Variants in EP300 observed in about 807,000 individuals in gnomAD.
EP300 encodes histone acetyltransferase p300.
A neutral mutation model predicts 264.0 loss-of-function variants in EP300; 31 were observed. The ratio of observed to expected loss-of-function variants is 0.12; its 90% CI spans 0.09 to 0.16. EP300 has a LOEUF of 0.16. Ranked by LOEUF, EP300 falls within the 10% of genes least tolerant of loss-of-function variation. EP300 has a pLI of 1.00. For synonymous variants in EP300, 1,340 were observed against 1,045.4 expected (o/e 1.28, Z -5.44); for missense variants, 2,766 against 3,052.9 (o/e 0.91, Z 2.21).
At chr22:41,115,216 C>T (rs2058814271) in intron 1 of EP300, among the ~76,000 whole-genome samples, 1 of 152,052 alleles carries the variant, frequency 6.6e-6, no homozygotes, top group African/African-American at 2.4e-5. Context: ...AATTTTCTTC[C>T]CCCAGGGGAT....
chr22:41,176,619 A>T (rs2059202094), intron 30 of EP300, 91 bp downstream of exon 30: 6 of 1,607,254 alleles, frequency 3.7e-6, no homozygotes, highest in Non-Finnish European at 5.1e-6. Context: ...GGCCTGTGGG[A>T]TGCTAGGGGC....
At chr22:41,137,566 C>T (rs2058958951) in intron 7 of EP300, 87 bp from the exon 8 acceptor site, 1 of 1,542,192 alleles carries the variant, frequency 6.5e-7, no homozygotes, top group Admixed American at 1.7e-5. Context: ...ATATTGATTC[C>T]ATTACAATAA....
chr22:41,092,943 C>A lies in EP300; in HGVS notation c.-62C>A. 1 of 1,595,094 alleles carries A rather than the reference C, an allele frequency of 6.3e-7. No homozygotes were observed. The highest frequency in any genetic ancestry group is 8.6e-7 in the Non-Finnish European group (1 of 1,163,420). ...CTGGGTGCGGCGCGGGGACCCCGGG[C>A]CGAAGAAGAGATTTCCTGAGGATTC... On this transcript the variant is annotated 5_prime_UTR_variant, in exon 1 of 31. Transcript: ENST00000263253.
intron 29 of EP300, chr22:41,174,859 A>G (rs1471570901): frequency 6.6e-6 from 1 of 152,176 alleles, no homozygotes; most frequent in Non-Finnish European, 1.5e-5. Flanking sequence ...AATCTTTTTT[A>G]GAGAGGAATT....
intron 27 of EP300, among the ~76,000 whole-genome samples, chr22:41,171,117 T>C (rs1287730494): frequency 6.6e-6 from 1 of 151,956 alleles, no homozygotes; most frequent in Admixed American, 6.6e-5. Flanking sequence ...GAAATCCCTG[T>C]TTTAAACATG....
chr22:41,172,391 T>C (rs2059175773), intron 27 of EP300, 108 bp from the exon 28 acceptor site: 2 of 1,048,248 alleles, frequency 1.9e-6, no homozygotes, highest in Admixed American at 2.1e-5. Context: ...TCTGCCAGCT[T>C]TCAAGACATT....
rs896851307 is a variant in EP300 at position 41,092,902 on chromosome 22, GC to G, written c.-97del. The G allele has an allele frequency of 1.5e-6, 2 of 1,304,536 alleles. No homozygotes were observed. The highest frequency in any genetic ancestry group is 2.3e-5 in the East Asian group (1 of 43,480). 80.8% of individuals were successfully genotyped at this position (1,304,536 alleles called of 1,614,324 possible). On this transcript the variant is annotated 5_prime_UTR_variant, in exon 1 of 31. Transcript: ENST00000263253. ...CCCCACCCCCTCGGGTGCCGTCGGA[GC>G]CCCCCAGCCCACCCCTGGGTGCGGC... is the stretch of plus-strand genomic sequence containing the variant.
intron 5 of EP300, among the ~76,000 whole-genome samples, chr22:41,130,691 A>G (rs1047102780): frequency 1.3e-5 from 2 of 152,158 alleles, no homozygotes; most frequent in Non-Finnish European, 2.9e-5. Flanking sequence ...TTGCTTTGGC[A>G]TTGGGCAAGT....
intron 2 of EP300, among the ~76,000 whole-genome samples, chr22:41,120,893 T>A (rs894732813): frequency 2.6e-5 from 4 of 152,192 alleles, no homozygotes; most frequent in Non-Finnish European, 5.9e-5. Flanking sequence ...TATTTTTATT[T>A]TTGTTGAGAC....
chr22:41,144,176 A>G (rs1205680497), intron 10 of EP300, among the ~76,000 whole-genome samples: 2 of 152,162 alleles, frequency 1.3e-5, no homozygotes, highest in African/African-American at 2.4e-5. Context: ...GAAGAAGTAA[A>G]TACTAATCTC....
chr22:41,167,826 G>GTTTTTTTTTTTTTTTTTTTTTTTTTTTT (rs1192332279), intron 23 of EP300, among the ~76,000 whole-genome samples: 3 of 32,174 alleles, frequency 9.3e-5, no homozygotes, highest in Admixed American at 5.4e-4. Context: ...TTTTTTTTTT[G>GTTTTTTTTTTTTTTTTTTTTTTTTTTTT]TTTTTTTTTT....
chr22:41,095,728 A>ATTT (rs1484242587), intron 1 of EP300, among the ~76,000 whole-genome samples: 6 of 152,104 alleles, frequency 3.9e-5, no homozygotes, highest in Admixed American at 2.6e-4. Flanking sequence ...TTTGTCTAGA[A>ATTT]CTGGTTGAAA....
intron 12 of EP300, 58 bp downstream of exon 12, chr22:41,148,004 G>T (rs903289609): frequency 4.2e-6 from 5 of 1,179,608 alleles, no homozygotes; most frequent in Admixed American, 2.2e-5. Flanking sequence ...TGAAAATCCT[G>T]TTTGTTCCTA....
intron 2 of EP300, among the ~76,000 whole-genome samples, chr22:41,122,154 CTT>C (rs2058855887): frequency 1.0e-5 from 1 of 97,254 alleles, no homozygotes; most frequent in African/African-American, 3.3e-5. Context: ...CTTTCTTCTT[CTT>C]CTTTTTTTTT....
chr22:41,093,984 AC>A (rs1188409141), intron 1 of EP300, among the ~76,000 whole-genome samples: 2 of 152,228 alleles, frequency 1.3e-5, no homozygotes, highest in African/African-American at 4.8e-5. Flanking sequence ...TTGTCTTTTT[AC>A]ACTTTTAAAC....
At chr22:41,129,233 T>G (rs1028457436) in intron 4 of EP300, among the ~76,000 whole-genome samples, 6 of 151,088 alleles carry the variant, frequency 4.0e-5, no homozygotes, top group Non-Finnish European at 8.9e-5. Flanking sequence ...GGATGGTCTC[T>G]ATCTCCTGAC....
At position 41,149,183 on chromosome 22, in the gene EP300, T is replaced by C. The variant is rs201847824; in HGVS notation, c.2379+8T>C. Reference sequence around the variant, plus strand: ...CAAGCTCCAGTGTCTCAAGTATGTCTCATAAGTGGATTTTTCACTTATTTT... The same window carrying C: ...CAAGCTCCAGTGTCTCAAGTATGTCCCATAAGTGGATTTTTCACTTATTTT... On this transcript the variant is annotated splice_region_variant and intron_variant, in intron 13 of 30. Coordinates refer to ENST00000263253, the MANE Select transcript of EP300 (RefSeq NM_001429.4). 53 of 1,614,210 alleles carry C rather than the reference T, an allele frequency of 3.3e-5. 1 individual carries two copies. The East Asian group carries it at 1.1e-3, about 34-fold the overall frequency.
chr22:41,149,313 G>T, intron 13 of EP300, 138 bp downstream of exon 13: 2 of 982,874 alleles, frequency 2.0e-6, no homozygotes, highest in Admixed American at 2.1e-5. Context: ...TTGGACTTAG[G>T]GTATTCTGAA....
rs763043299 is a variant in EP300, at chr22:41,158,453, G to A, written c.3543G>A (p.Gln1181=). 5.8e-5 allele frequency: 93 copies of A among 1,614,090 alleles called. No homozygotes were observed. The highest frequency in any genetic ancestry group is 7.7e-5 in the Non-Finnish European group (91 of 1,180,046). ...SPQTLCCYGK[Q]LCTIPRDATY... Reference sequence around the variant, plus strand: ...AGACACTGTGTTGCTACGGCAAACAGTTGTGCACAATACCTCGTGATGCCA... The same window carrying A: ...AGACACTGTGTTGCTACGGCAAACAATTGTGCACAATACCTCGTGATGCCA... The change falls in exon 19 of 31, where the codon CAG becomes CAA. Residue 1181 remains glutamine (Q), a synonymous_variant. Coordinates refer to ENST00000263253, the MANE Select transcript of EP300 (RefSeq NM_001429.4).
Sources: allele counts gnomAD v4.1 joint callset (sites outside exome capture counted in the v4.1 genomes callset), GRCh38; gene constraint gnomAD v4.1.1; transcripts MANE v1.5; gene names NCBI Gene and HGNC (gene_info 2026-07-23, HGNC 2026-07-21).